The following CNOT4 variants were observed in gnomAD, a reference collection of about 807,000 sequenced individuals.
The protein encoded by CNOT4 is CCR4-associated factor 4.
CNOT4 carries 8 observed loss-of-function variants against 73.8 expected under a neutral mutation model. The observed-to-expected ratio is 0.11, with a 90% CI of 0.06 to 0.20. The LOEUF is 0.20. CNOT4 is among the 10% of genes least tolerant of loss of function. The probability of loss-of-function intolerance (pLI) is 1.00; values close to 1 mark genes in which losing one functional copy is unlikely to be tolerated. For synonymous variants in CNOT4, 293 were observed against 321.1 expected (o/e 0.91, Z 0.94); for missense variants, 564 against 883.4 (o/e 0.64, Z 4.58).
intron 1 of CNOT4, among the ~76,000 whole-genome samples, chr7:135,505,429 G>C (rs1010184012): frequency 6.6e-6 from 1 of 152,102 alleles, no homozygotes; most frequent in Non-Finnish European, 1.5e-5. Context: ...GCGGACATCT[G>C]TAATCCCAGC....
At chr7:135,365,028 A>G (rs1334902904) in intron 10 of CNOT4, among the ~76,000 whole-genome samples, 1 of 152,216 alleles carries the variant, frequency 6.6e-6, no homozygotes, top group African/African-American at 2.4e-5. Flanking sequence ...AAAGCATAGA[A>G]AAATATTTCT....
In CNOT4 at chr7:135,367,538, T is replaced by C. The variant is rs552189490; in HGVS notation, c.1628-3472A>G. Among the ~76,000 whole-genome samples the C allele has an allele frequency of 5.9e-5, 9 of 152,292 alleles. No homozygotes were observed. In the South Asian group the frequency reaches 1.5e-3, roughly 25 times the overall value. ...ATAAAAATAAGAGAAGGAAATGCAATTTGGAGCACATTACTTGCTAAATGC... is the reference window on the plus strand; with the variant it reads ...ATAAAAATAAGAGAAGGAAATGCAACTTGGAGCACATTACTTGCTAAATGC... On this transcript the variant is annotated intron_variant, in intron 10 of 11. Coordinates refer to ENST00000541284, the MANE Select transcript of CNOT4 (RefSeq NM_001190850.2).
chr7:135,468,607 G>A (rs1801374131), intron 1 of CNOT4, among the ~76,000 whole-genome samples: 1 of 151,516 alleles, frequency 6.6e-6, no homozygotes, highest in Non-Finnish European at 1.5e-5. Flanking sequence ...CTTGAACTCA[G>A]GAGGCAGAGG....
intron 1 of CNOT4, among the ~76,000 whole-genome samples, chr7:135,472,304 C>T (rs1372834779): frequency 6.8e-6 from 1 of 147,226 alleles, no homozygotes; most frequent in African/African-American, 2.5e-5. Flanking sequence ...AGTGACACCC[C>T]GTCTCTACTA....
intron 8 of CNOT4, among the ~76,000 whole-genome samples, chr7:135,397,886 C>T (rs1421157167): frequency 6.6e-6 from 1 of 152,032 alleles, no homozygotes; most frequent in Non-Finnish European, 1.5e-5. Flanking sequence ...GCATGCTAGC[C>T]TGGGACCATT....
At chr7:135,495,305 G>C (rs936563592) in intron 1 of CNOT4, among the ~76,000 whole-genome samples, 5 of 152,038 alleles carry the variant, frequency 3.3e-5, no homozygotes, top group African/African-American at 1.2e-4. Flanking sequence ...AGGAGTTTGA[G>C]ACCAGCCTAG....
chr7:135,479,171 A>G (rs1031145331), intron 1 of CNOT4, among the ~76,000 whole-genome samples: 1 of 148,468 alleles, frequency 6.7e-6, no homozygotes, highest in Non-Finnish European at 1.5e-5. Flanking sequence ...CCAATCTTAC[A>G]GTCTCACCAA....
chr7:135,381,271 A>C (rs112814566), intron 10 of CNOT4, among the ~76,000 whole-genome samples: 5,291 of 152,272 alleles, frequency 0.035, 309 homozygotes, highest in African/African-American at 0.12. Flanking sequence ...TTTATATAAA[A>C]ACACACACAC....
At chr7:135,482,309 A>C (rs1802433722) in intron 1 of CNOT4, among the ~76,000 whole-genome samples, 1 of 152,148 alleles carries the variant, frequency 6.6e-6, no homozygotes, top group African/African-American at 2.4e-5. Flanking sequence ...TAATCCCAGC[A>C]CTTTGGGAGG....
At chr7:135,468,998 G>A (rs1801403617) in intron 1 of CNOT4, among the ~76,000 whole-genome samples, 1 of 152,134 alleles carries the variant, frequency 6.6e-6, no homozygotes, top group Non-Finnish European at 1.5e-5. Flanking sequence ...AGGTTCTCAA[G>A]AAGGGTAGGA....
chr7:135,389,157 C>CA (rs11292254), intron 10 of CNOT4, among the ~76,000 whole-genome samples: 6,432 of 83,716 alleles, frequency 0.077, 243 homozygotes, highest in Non-Finnish European at 0.089. Context: ...AACATACTAC[C>CA]AAAAAAAAAA....
At chr7:135,446,528 T>C (rs1339496675) in intron 1 of CNOT4, among the ~76,000 whole-genome samples, 1 of 152,214 alleles carries the variant, frequency 6.6e-6, no homozygotes, top group Non-Finnish European at 1.5e-5. Context: ...GATTACTATA[T>C]TTAATTAACC....
At chr7:135,389,904 T>C (rs1796315294) in intron 10 of CNOT4, among the ~76,000 whole-genome samples, 1 of 152,176 alleles carries the variant, frequency 6.6e-6, no homozygotes, top group Admixed American at 6.6e-5. Context: ...CAGGTGATTT[T>C]GTAGTTTTTC....
chr7:135,444,598 T>TACA, intron 1 of CNOT4: 1 of 1,343,092 alleles, frequency 7.4e-7, no homozygotes, highest in Non-Finnish European at 1.1e-6. Flanking sequence ...GTACAGCACA[T>TACA]ACACTTGTCA....
chr7:135,472,884 C>A lies in CNOT4; in HGVS notation c.-92-34461G>T, dbSNP rs114635904. On this transcript the variant is annotated intron_variant, in intron 1 of 11. Transcript: ENST00000541284. ...GGGAGACCCTGTCTCTATAAAAAAA[C>A]CAAAAGATTAGTCAGGCATGGTGGC... Among the ~76,000 whole-genome samples the A allele has an allele frequency of 3.6e-3, 549 of 151,674 alleles. 4 individuals are homozygous for A. The highest frequency in any genetic ancestry group is 0.013 in the African/African-American group (528 of 41,402).
chr7:135,440,099 A>G (rs2129485403), intron 1 of CNOT4, among the ~76,000 whole-genome samples: 1 of 152,106 alleles, frequency 6.6e-6, no homozygotes, highest in Admixed American at 6.5e-5. Context: ...CATGGAAAGA[A>G]GAAAACATAA....
chr7:135,415,335 C>T lies in CNOT4; in HGVS notation c.373-73G>A, dbSNP rs912345517. ...ACTTTATCCTTATAATGGAGACATT[C>T]ATCATCCCTCTTCAGCAAAAGGAAA... On this transcript the variant is annotated intron_variant, in intron 3 of 11. Coordinates refer to ENST00000541284, the MANE Select transcript of CNOT4 (RefSeq NM_001190850.2). The T allele has an allele frequency of 5.5e-6, 4 of 728,444 alleles. No individual in the cohort carries two copies. The Admixed American group carries it at 7.2e-5, about 13-fold the overall frequency. 45.1% of individuals were successfully genotyped at this position (728,444 alleles called of 1,614,324 possible). A position where few individuals can be genotyped will look rare whatever the true frequency, so the allele number is the denominator to read the frequency against.
chr7:135,435,691 T>C (rs1159829305), intron 2 of CNOT4, among the ~76,000 whole-genome samples: 2 of 152,202 alleles, frequency 1.3e-5, no homozygotes, highest in Non-Finnish European at 2.9e-5. Context: ...GTGTTAATTC[T>C]TGTTTTTGCA....
chr7:135,485,989 AAAG>A (rs1802694379), intron 1 of CNOT4, among the ~76,000 whole-genome samples: 1 of 152,174 alleles, frequency 6.6e-6, no homozygotes, highest in African/African-American at 2.4e-5. Flanking sequence ...AAGAGGATGA[AAAG>A]ACAAGTTAAA....
Sources: allele counts gnomAD v4.1 joint callset (sites outside exome capture counted in the v4.1 genomes callset), GRCh38; gene constraint gnomAD v4.1.1; transcripts MANE v1.5; gene names NCBI Gene and HGNC (gene_info 2026-07-23, HGNC 2026-07-21).